ANKRD44: variants seen among roughly 807,000 people sequenced by gnomAD.
ANKRD44 encodes the protein serine/threonine-protein phosphatase 6 regulatory ankyrin repeat subunit B.
ANKRD44 carries 35 observed loss-of-function variants against 116.0 expected under a neutral mutation model. The ratio of observed to expected loss-of-function variants is 0.30; its 90% CI spans 0.23 to 0.40. The LOEUF (loss-of-function observed/expected upper bound fraction) is 0.40. ANKRD44 is among the 10% of genes least tolerant of loss of function. The pLI is 1.00. For synonymous variants in ANKRD44, 435 were observed against 461.8 expected (o/e 0.94, Z 0.74); for missense variants, 1,014 against 1,242.6 (o/e 0.82, Z 2.77).
chr2:197,103,307 C>T (rs1398311635), intron 9 of ANKRD44, among the ~76,000 whole-genome samples: 1 of 151,480 alleles, frequency 6.6e-6, no homozygotes, highest in Non-Finnish European at 1.5e-5. Flanking sequence ...GGAGTCTTTC[C>T]CTATACCCTG....
intron 16 of ANKRD44, chr2:197,077,992 A>G (rs1044410912): frequency 6.6e-6 from 1 of 152,178 alleles, no homozygotes; most frequent in African/African-American, 2.4e-5. Context: ...GTCTTCCTGA[A>G]AAAATGAAGA....
intron 16 of ANKRD44, among the ~76,000 whole-genome samples, chr2:197,037,081 A>G (rs2124928491): frequency 6.6e-6 from 1 of 152,388 alleles, no homozygotes; most frequent in South Asian, 2.1e-4. Context: ...TACTTAACAG[A>G]TGTAAAAAAT....
At chr2:197,085,822 C>T (rs558302693) in intron 13 of ANKRD44, among the ~76,000 whole-genome samples, 1 of 152,154 alleles carries the variant, frequency 6.6e-6, no homozygotes, top group Non-Finnish European at 1.5e-5. Context: ...TTTCACTTTA[C>T]TCTATGGACT....
intron 16 of ANKRD44, among the ~76,000 whole-genome samples, chr2:197,042,833 C>A (rs1046852666): frequency 3.3e-5 from 5 of 152,138 alleles, no homozygotes; most frequent in Non-Finnish European, 7.3e-5. Flanking sequence ...AAGGCATTTT[C>A]AGTAAAGGCA....
chr2:197,305,776 G>A (rs2084050602), intron 1 of ANKRD44, among the ~76,000 whole-genome samples: 1 of 151,964 alleles, frequency 6.6e-6, no homozygotes, highest in Non-Finnish European at 1.5e-5. Flanking sequence ...ATGTGCACAA[G>A]TGAAAGGTAA....
intron 16 of ANKRD44, among the ~76,000 whole-genome samples, chr2:197,032,157 G>A (rs1395474904): frequency 2.0e-5 from 3 of 152,046 alleles, no homozygotes. Context: ...TATAAACCAG[G>A]TCATTATCAG....
intron 1 of ANKRD44, among the ~76,000 whole-genome samples, chr2:197,273,399 G>A (rs2082955138): frequency 1.3e-5 from 2 of 152,192 alleles, no homozygotes. Context: ...AAGGTGTCTG[G>A]GAAATATCCA....
At chr2:197,138,886 A>C (rs1223213216) in intron 3 of ANKRD44, among the ~76,000 whole-genome samples, 1 of 152,250 alleles carries the variant, frequency 6.6e-6, no homozygotes, top group Non-Finnish European at 1.5e-5. Flanking sequence ...AAATTCAAAA[A>C]ATGAATGCAA....
intron 10 of ANKRD44, among the ~76,000 whole-genome samples, chr2:197,091,283 A>G (rs913934921): frequency 2.0e-5 from 3 of 152,192 alleles, no homozygotes; most frequent in African/African-American, 7.2e-5. Flanking sequence ...TCCAGCACTC[A>G]CTCACCCCAG....
chr2:196,980,532 A>C (rs2075793524), intron 21 of ANKRD44, among the ~76,000 whole-genome samples: 1 of 152,252 alleles, frequency 6.6e-6, no homozygotes, highest in Admixed American at 6.5e-5. Context: ...TCACCTAAAC[A>C]GCAATATAGA....
intron 1 of ANKRD44, among the ~76,000 whole-genome samples, chr2:197,300,327 G>A (rs1440790803): frequency 2.6e-5 from 4 of 151,988 alleles, no homozygotes; most frequent in Non-Finnish European, 5.9e-5. Context: ...TACCTGAAAG[G>A]GACACAACAC....
chr2:197,064,390 C>T (rs891962750), intron 16 of ANKRD44, among the ~76,000 whole-genome samples: 6 of 152,154 alleles, frequency 3.9e-5, no homozygotes, highest in East Asian at 3.8e-4. Context: ...GAAACTGCAT[C>T]GACTAACGAG....
chr2:197,271,217 T>C (rs2105779211), intron 1 of ANKRD44, among the ~76,000 whole-genome samples: 1 of 152,348 alleles, frequency 6.6e-6, no homozygotes, highest in African/African-American at 2.4e-5. Context: ...TCTGAATGTT[T>C]GTGTGCACCC....
At chr2:197,301,667 T>C (rs749013672) in intron 1 of ANKRD44, among the ~76,000 whole-genome samples, 6 of 152,212 alleles carry the variant, frequency 3.9e-5, no homozygotes, top group Non-Finnish European at 7.4e-5. Context: ...ACTTCATGAG[T>C]AAAAAACATT....
intron 1 of ANKRD44, among the ~76,000 whole-genome samples, chr2:197,231,836 T>C (rs2081871595): frequency 6.6e-6 from 1 of 152,164 alleles, no homozygotes; most frequent in Non-Finnish European, 1.5e-5. Context: ...GAGTACCTGC[T>C]ATGTGCCAGG....
chr2:197,063,136 C>A (rs2077353630), intron 16 of ANKRD44, among the ~76,000 whole-genome samples: 2 of 152,208 alleles, frequency 1.3e-5, no homozygotes, highest in South Asian at 4.1e-4. Context: ...GAGGAACAAT[C>A]AGGCAGCAAC....
chr2:197,091,006 C>T (rs1369899900), intron 10 of ANKRD44, among the ~76,000 whole-genome samples: 1 of 152,216 alleles, frequency 6.6e-6, no homozygotes, highest in African/African-American at 2.4e-5. Flanking sequence ...TCCTGGATGC[C>T]AAGCAAGAGC....
At chr2:197,149,100 T>C (rs1015756175) in intron 2 of ANKRD44, among the ~76,000 whole-genome samples, 1 of 152,244 alleles carries the variant, frequency 6.6e-6, no homozygotes. Flanking sequence ...GAATCCTCGC[T>C]ATATCTACTT....
chr2:196,997,619 T>G (rs2076037139), intron 25 of ANKRD44, among the ~76,000 whole-genome samples: 1 of 151,870 alleles, frequency 6.6e-6, no homozygotes, highest in Admixed American at 6.6e-5. Context: ...CCGGGTAATT[T>G]TGTATTTTTA....
Sources: allele counts gnomAD v4.1 joint callset (sites outside exome capture counted in the v4.1 genomes callset), GRCh38; gene constraint gnomAD v4.1.1; transcripts MANE v1.5; gene names NCBI Gene and HGNC (gene_info 2026-07-23, HGNC 2026-07-21).